IL17RD: variants seen among roughly 807,000 people sequenced by gnomAD.
IL17RD encodes the protein interleukin 17 receptor D.
In IL17RD, 52 loss-of-function variants were observed where a neutral mutation model predicts 80.5. The ratio of observed to expected loss-of-function variants is 0.65; its 90% confidence interval spans 0.52 to 0.81. The LOEUF (loss-of-function observed/expected upper bound fraction) is 0.81, where lower values mean the gene tolerates loss of function less well. IL17RD is among the 40% of genes least tolerant of loss of function. IL17RD has a pLI of 0.00. For synonymous variants in IL17RD, 416 were observed against 391.8 expected (o/e 1.06, Z -0.73); for missense variants, 1,024 against 955.1 (o/e 1.07, Z -0.95).
rs1301077230 is a variant in IL17RD at position 57,101,234 on chromosome 3, T to C, written c.1109A>G (p.His370Arg). ...GGCGAAACACTGGACGACATTCATGTGATTCTGGCCATCTTTACTGGAATA... is the reference window on the plus strand; with the variant it reads ...GGCGAAACACTGGACGACATTCATGCGATTCTGGCCATCTTTACTGGAATA... The part of the protein sequence containing the change: ...LCYSSKDGQN[H>R]MNVVQCFAYF... The change falls in exon 11 of 13, where the codon CAC becomes CGC. Residue 370 changes from histidine (H) to arginine (R), a missense_variant. Physicochemically the swap from His to Arg is conservative, Grantham distance 29 (BLOSUM62 0). Transcript: ENST00000296318. 7 of 1,613,646 alleles carry C rather than the reference T, an allele frequency of 4.3e-6. No individual in the cohort carries two copies. Among genetic ancestry groups the C allele is most frequent in the African/African-American group, 1.3e-5 (1 of 74,930 alleles).
chr3:57,102,532 ACTACCAGTG>A lies in IL17RD; in HGVS notation c.917_925del (p.Pro306_Val309delinsLeu). ...GAAGAGCGTCGCGAATGCCGATATG[ACTACCAGTG>A]GCACTGTGATGGCCACGGCTCTGAT... On this transcript the variant is annotated inframe_deletion, in exon 10 of 13. Transcript: ENST00000296318. 1 of 1,579,580 alleles carries A rather than the reference ACTACCAGTG, an allele frequency of 6.3e-7. No individual in the cohort carries two copies. Among genetic ancestry groups the A allele is most frequent in the Non-Finnish European group, 8.7e-7 (1 of 1,155,156 alleles).
At chr3:57,161,204 G>C (rs911725356) in intron 1 of IL17RD, among the ~76,000 whole-genome samples, 1 of 152,206 alleles carries the variant, frequency 6.6e-6, no homozygotes, top group Non-Finnish European at 1.5e-5. Flanking sequence ...CAAGAATTCT[G>C]TAACAGACAC....
At chr3:57,156,366 C>A (rs2060267024) in intron 1 of IL17RD, among the ~76,000 whole-genome samples, 1 of 152,062 alleles carries the variant, frequency 6.6e-6, no homozygotes, top group South Asian at 2.1e-4. Flanking sequence ...GAATTCAAGA[C>A]CAGCCTGGGC....
Position 57,098,128 on chromosome 3 carries a change from CGT to C in IL17RD, c.1573_1574del (p.Thr525AlafsTer29), listed in dbSNP as rs1706733797. The C allele has an allele frequency of 6.2e-7, 1 of 1,613,824 alleles. No individual in the cohort carries two copies. Among genetic ancestry groups the C allele is most frequent in the African/African-American group, 1.3e-5 (1 of 74,904 alleles). On this transcript the variant is annotated frameshift_variant, in exon 12 of 13. Coordinates refer to ENST00000296318, the MANE Select transcript of IL17RD (RefSeq NM_017563.5). LOFTEE classifies it high-confidence loss of function. Reference sequence around the variant, plus strand: ...AGTAGTTCCTTCTGCTGCCCTGTCGCGTGTGCTGCCCCGGCTCCTGGAGGCCG... The same window carrying C: ...AGTAGTTCCTTCTGCTGCCCTGTCGCGTGCTGCCCCGGCTCCTGGAGGCCG... ...DHGLQEPGQH[T>X]RQGSRRNYFR...
chr3:57,149,328 C>G (rs1205030625), intron 1 of IL17RD, among the ~76,000 whole-genome samples: 1 of 151,458 alleles, frequency 6.6e-6, no homozygotes. Flanking sequence ...TTCCTTCACT[C>G]GGCAGAATTG....
intron 2 of IL17RD, among the ~76,000 whole-genome samples, chr3:57,117,113 A>ATTTTT (rs11422909): frequency 7.3e-6 from 1 of 136,140 alleles, no homozygotes. Flanking sequence ...AAGTTTAAGA[A>ATTTTT]TTTTTTTTTT....
rs149889556 is a variant in IL17RD, at chr3:57,133,356, C to G, written c.127-13043G>C. On this transcript the variant is annotated intron_variant, in intron 1 of 12. Coordinates refer to ENST00000296318, the MANE Select transcript of IL17RD (RefSeq NM_017563.5). ...CTATAAGCAATAAATCTAGAAGACT[C>G]TCTTTCCTAATTTCCCAAAGATACC... is the stretch of plus-strand genomic sequence containing the variant. Among the ~76,000 whole-genome samples, 283 of 152,288 alleles carry G rather than the reference C, an allele frequency of 1.9e-3. 2 individuals are homozygous for G. Among genetic ancestry groups the G allele is most frequent in the Non-Finnish European group, 3.0e-3 (204 of 68,032 alleles).
rs769179534 is a variant in IL17RD, at chr3:57,110,385, ACC to A, written c.311-76_311-75del. 203 of 1,470,074 alleles carry A rather than the reference ACC, an allele frequency of 1.4e-4. 1 individual carries two copies. The highest frequency in any genetic ancestry group is 1.8e-4 in the Non-Finnish European group (199 of 1,079,918). 91.1% of individuals were successfully genotyped at this position (1,470,074 alleles called of 1,614,324 possible). On this transcript the variant is annotated intron_variant, in intron 3 of 12. Coordinates refer to ENST00000296318, the MANE Select transcript of IL17RD (RefSeq NM_017563.5). ...AACACACTCTTCTTCCTCCAAGATT[ACC>A]ATCTTCTCTACCTACACACCAGAGT...
upstream of IL17RD, among the ~76,000 whole-genome samples, chr3:57,166,976 A>C (rs1360606265): frequency 6.6e-6 from 1 of 152,224 alleles, no homozygotes; most frequent in Non-Finnish European, 1.5e-5. Context: ...GTGGAGGAAG[A>C]GAACTCTTCT....
At chr3:57,135,850 C>T (rs1177630491) in intron 1 of IL17RD, among the ~76,000 whole-genome samples, 3 of 151,706 alleles carry the variant, frequency 2.0e-5, no homozygotes, top group Non-Finnish European at 2.9e-5. Context: ...GTCACCTGCT[C>T]CAGAGCCGGC....
rs1159051892 is a variant in IL17RD at position 57,092,495 on chromosome 3, AG to A, written c.*3897del. 16 of 152,274 alleles carry A rather than the reference AG, an allele frequency of 1.1e-4. No individual in the cohort carries two copies. The highest frequency in any genetic ancestry group is 3.6e-4 in the African/African-American group (15 of 41,532). The allele number at this position is 152,274 out of a possible 1,614,324, so 9.4% of individuals were successfully genotyped here. ...TCCCAGCTACTCAGGAGGCTGAGGCAGGAGAATGGCGTGAACCCGGGAGGTG... is the reference window on the plus strand; with the variant it reads ...TCCCAGCTACTCAGGAGGCTGAGGCAGAGAATGGCGTGAACCCGGGAGGTG... On this transcript the variant is annotated 3_prime_UTR_variant, in exon 13 of 13. Coordinates refer to ENST00000296318, the MANE Select transcript of IL17RD (RefSeq NM_017563.5).
intron 1 of IL17RD, among the ~76,000 whole-genome samples, chr3:57,139,664 C>T (rs2107524981): frequency 6.6e-6 from 1 of 152,162 alleles, no homozygotes; most frequent in Non-Finnish European, 1.5e-5. Flanking sequence ...AGGCACGTGC[C>T]ACCACGCCAG....
intron 1 of IL17RD, among the ~76,000 whole-genome samples, chr3:57,154,925 A>G (rs888484907): frequency 6.6e-6 from 1 of 152,208 alleles, no homozygotes; most frequent in Non-Finnish European, 1.5e-5. Context: ...CCCACAAAAA[A>G]GCCCGGGAAG....
chr3:57,110,425 A>T, intron 3 of IL17RD, 114 bp from the exon 4 acceptor site: 6 of 1,182,516 alleles, frequency 5.1e-6, no homozygotes, highest in Non-Finnish European at 7.2e-6. Context: ...AAGGAATTCT[A>T]ACTGTGGCCA....
intron 1 of IL17RD, among the ~76,000 whole-genome samples, chr3:57,129,769 A>C (rs1050947098): frequency 6.6e-6 from 1 of 152,236 alleles, no homozygotes; most frequent in Admixed American, 6.5e-5. Flanking sequence ...CTGTCAGCCG[A>C]TTAAGTCTGT....
Position 57,098,094 on chromosome 3 carries a change from T to C in IL17RD, c.1609A>G (p.Lys537Glu). The change falls in exon 12 of 13, where the codon AAG becomes GAG. Residue 537 changes from lysine to glutamate, a missense_variant. Transcript: ENST00000296318. ...QGSRRNYFRS[K>E]SGRSLYVAIC... ...GCGACGTATAGGGACCGGCCTGACT[T>C]GCTCCGGAAGTAGTTCCTTCTGCTG... The C allele has an allele frequency of 6.2e-7, 1 of 1,613,988 alleles. No individual in the cohort carries two copies. Among genetic ancestry groups the C allele is most frequent in the South Asian group, 1.1e-5 (1 of 91,082 alleles).
At chr3:57,162,957 G>C (rs1460804620) in intron 1 of IL17RD, among the ~76,000 whole-genome samples, 6 of 152,176 alleles carry the variant, frequency 3.9e-5, no homozygotes, top group Admixed American at 1.3e-4. Context: ...CTTAAGATAG[G>C]CAAGGAATTC....
At chr3:57,117,601 G>A (rs1355043932) in intron 2 of IL17RD, among the ~76,000 whole-genome samples, 1 of 152,150 alleles carries the variant, frequency 6.6e-6, no homozygotes, top group African/African-American at 2.4e-5. Context: ...AGAAAAATAC[G>A]ATTTTTAGTA....
At chr3:57,164,053 C>A (rs532407567) in intron 1 of IL17RD, among the ~76,000 whole-genome samples, 7 of 152,300 alleles carry the variant, frequency 4.6e-5, no homozygotes, top group Admixed American at 3.9e-4. Flanking sequence ...CCTAAGCAAA[C>A]CACTCCATAC....
Sources: gnomAD v4.1 joint callset for allele counts (sites outside exome capture counted in the v4.1 genomes callset) on GRCh38, gnomAD v4.1.1 for gene constraint, MANE v1.5 for transcripts, NCBI Gene and HGNC (gene_info 2026-07-23, HGNC 2026-07-21) for gene names.